PTK2: variants seen among roughly 807,000 people sequenced by gnomAD.
PTK2 encodes protein tyrosine kinase 2, also known as focal adhesion kinase 1.
Under a neutral mutation model 150.1 loss-of-function variants are expected in PTK2, and 45 were observed. The ratio of observed to expected loss-of-function variants is 0.30; its 90% CI spans 0.24 to 0.38. The LOEUF is 0.38. Ranked by LOEUF, PTK2 falls within the 10% of genes least tolerant of loss-of-function variation. The probability of loss-of-function intolerance (pLI) is 1.00; values close to 1 mark genes in which losing one functional copy is unlikely to be tolerated. For synonymous variants in PTK2, 432 were observed against 449.2 expected (o/e 0.96, Z 0.48); for missense variants, 919 against 1,307.3 (o/e 0.70, Z 4.58).
intron 2 of PTK2, among the ~76,000 whole-genome samples, chr8:140,894,838 C>A (rs946645919): frequency 6.6e-6 from 1 of 152,090 alleles, no homozygotes; most frequent in African/African-American, 2.4e-5. Flanking sequence ...CATGAATACA[C>A]CCTTATAACT....
chr8:140,843,484 C>T (rs1028682989), intron 7 of PTK2, among the ~76,000 whole-genome samples: 2 of 152,122 alleles, frequency 1.3e-5, no homozygotes, highest in Admixed American at 6.5e-5. Context: ...ATACAATTCA[C>T]ATTATTCTTT....
At chr8:140,708,704 G>C (rs1271249840) in intron 23 of PTK2, among the ~76,000 whole-genome samples, 1 of 152,134 alleles carries the variant, frequency 6.6e-6, no homozygotes, top group Non-Finnish European at 1.5e-5. Flanking sequence ...TTTCTCTACT[G>C]TGTGTGCTAG....
At chr8:140,963,191 A>G (rs2100184003) in intron 1 of PTK2, among the ~76,000 whole-genome samples, 1 of 152,126 alleles carries the variant, frequency 6.6e-6, no homozygotes, top group Non-Finnish European at 1.5e-5. Context: ...TGAACAGCTT[A>G]TAATAGCATC....
intron 7 of PTK2, among the ~76,000 whole-genome samples, chr8:140,834,328 A>G (rs569941314): frequency 1.3e-5 from 2 of 152,342 alleles, no homozygotes; most frequent in East Asian, 1.9e-4. Flanking sequence ...GACTGGGGAA[A>G]GAAGGTATAG....
At chr8:140,905,819 T>A (rs2100160653) in intron 2 of PTK2, among the ~76,000 whole-genome samples, 1 of 152,106 alleles carries the variant, frequency 6.6e-6, no homozygotes, top group Non-Finnish European at 1.5e-5. Flanking sequence ...CATAACAGTC[T>A]CTCAGACCAC....
At chr8:140,706,250 G>T in intron 23 of PTK2, 45 bp from the exon 27 acceptor site, 1 of 1,417,000 alleles carries the variant, frequency 7.1e-7, no homozygotes, top group South Asian at 1.2e-5. Context: ...TTTTGATTTT[G>T]ACAAACCTGT....
chr8:140,872,381 C>T (rs538348720), intron 4 of PTK2, among the ~76,000 whole-genome samples: 84 of 152,280 alleles, frequency 5.5e-4, no homozygotes, highest in African/African-American at 1.8e-3. Flanking sequence ...TTTATGTATA[C>T]TTTATAGCCT....
At chr8:140,773,957 T>C (rs80327820) in intron 14 of PTK2, among the ~76,000 whole-genome samples, 3,173 of 152,176 alleles carry the variant, frequency 0.021, 117 homozygotes, top group African/African-American at 0.072. Context: ...GACTGATAAA[T>C]TTTGCAGACC....
intron 1 of PTK2, among the ~76,000 whole-genome samples, chr8:140,927,053 T>C (rs578218130): frequency 6.6e-6 from 1 of 152,344 alleles, no homozygotes; most frequent in Non-Finnish European, 1.5e-5. Context: ...AGATGCTGCA[T>C]TAGTTTTTCA....
chr8:140,801,236 C>G (rs2100094834), intron 11 of PTK2, among the ~76,000 whole-genome samples: 1 of 152,168 alleles, frequency 6.6e-6, no homozygotes, highest in Non-Finnish European at 1.5e-5. Context: ...TGGCCGTTAA[C>G]AGACCAAAGA....
At chr8:140,794,539 A>G (rs1325399018) in intron 12 of PTK2, among the ~76,000 whole-genome samples, 1 of 152,108 alleles carries the variant, frequency 6.6e-6, no homozygotes, top group Non-Finnish European at 1.5e-5. Context: ...ATCTCCAATG[A>G]CATCTGCCTT....
chr8:140,793,434 A>G, intron 12 of PTK2, 50 bp from the exon 13 acceptor site: 5 of 1,588,290 alleles, frequency 3.1e-6, no homozygotes, highest in South Asian at 1.2e-5. Context: ...ACTCCTTTTG[A>G]AAAGATGGTG....
intron 17 of PTK2, 25 bp downstream of exon 20, chr8:140,752,207 T>C: frequency 6.4e-7 from 1 of 1,574,746 alleles, no homozygotes; most frequent in Non-Finnish European, 8.7e-7. Context: ...CAAATGGAGT[T>C]CCACAGAAAT....
intron 5 of PTK2, among the ~76,000 whole-genome samples, chr8:140,859,362 T>C (rs2100134723): frequency 6.6e-6 from 1 of 151,992 alleles, no homozygotes; most frequent in Non-Finnish European, 1.5e-5. Context: ...AGCAGTAGGG[T>C]CATGGGTATT....
chr8:140,998,481 A>G (rs190215395), intron 1 of PTK2, among the ~76,000 whole-genome samples: 1 of 152,202 alleles, frequency 6.6e-6, no homozygotes, highest in Admixed American at 6.5e-5. Context: ...AATTTCATCT[A>G]CAGGACCTAA....
At chr8:140,892,810 G>T (rs2100154677) in intron 2 of PTK2, among the ~76,000 whole-genome samples, 1 of 152,072 alleles carries the variant, frequency 6.6e-6, no homozygotes, top group South Asian at 2.1e-4. Context: ...AGAAAAGAAT[G>T]CAAGAGACAA....
At chr8:140,776,541 T>C (rs2100078559) in intron 14 of PTK2, among the ~76,000 whole-genome samples, 1 of 152,132 alleles carries the variant, frequency 6.6e-6, no homozygotes, top group Admixed American at 6.5e-5. Context: ...TGTTAATAGA[T>C]TGGATATGGG....
chr8:140,711,078 C>T (rs1392188945), intron 23 of PTK2, among the ~76,000 whole-genome samples: 2 of 150,198 alleles, frequency 1.3e-5, no homozygotes, highest in South Asian at 4.2e-4. Flanking sequence ...GCTGGGATTA[C>T]AGGCATGTGC....
At chr8:140,719,684 A>G (rs969591356) in intron 22 of PTK2, among the ~76,000 whole-genome samples, 2 of 152,124 alleles carry the variant, frequency 1.3e-5, no homozygotes, top group African/African-American at 4.8e-5. Flanking sequence ...TGCAAGATGC[A>G]CGTGACGAGG....
Sources: allele counts gnomAD v4.1 joint callset (sites outside exome capture counted in the v4.1 genomes callset), GRCh38; gene constraint gnomAD v4.1.1; transcripts MANE v1.5; gene names NCBI Gene and HGNC (gene_info 2026-07-23, HGNC 2026-07-21).